Variants in PHACTR4 observed in about 807,000 individuals in gnomAD.
PHACTR4 encodes the protein phosphatase and actin regulator 4.
In PHACTR4, 51 loss-of-function variants were observed where a neutral mutation model predicts 72.7. The observed-to-expected ratio is 0.70, with a 90% CI of 0.56 to 0.89. The LOEUF is 0.89. Ranked by LOEUF, PHACTR4 falls within the 40% of genes least tolerant of loss-of-function variation. The pLI is 0.00. For missense variants in PHACTR4, 731 were observed against 861.8 expected (o/e 0.85, Z 1.90); for synonymous variants, 255 against 302.5 (o/e 0.84, Z 1.63).
At chr1:28,468,550 C>T (rs1005994062) in intron 6 of PHACTR4, among the ~76,000 whole-genome samples, 2 of 152,076 alleles carry the variant, frequency 1.3e-5, no homozygotes, top group African/African-American at 4.8e-5. Context: ...TGAGATTGTG[C>T]CACTGCATTG....
chr1:28,476,070 T>C, intron 7 of PHACTR4, 37 bp from the exon 8 acceptor site: 1 of 1,557,840 alleles, frequency 6.4e-7, no homozygotes, highest in Non-Finnish European at 8.7e-7. Flanking sequence ...ATCCTCTTCA[T>C]TTCTAAAAGG....
intron 2 of PHACTR4, 140 bp downstream of exon 2, chr1:28,407,603 C>A: frequency 1.8e-6 from 1 of 560,546 alleles, no homozygotes; most frequent in Non-Finnish European, 3.0e-6. Flanking sequence ...CTTTTTGCTT[C>A]TATAAGAATT....
chr1:28,492,319 A>G (rs1339649441), intron 12 of PHACTR4, among the ~76,000 whole-genome samples: 5 of 151,498 alleles, frequency 3.3e-5, no homozygotes, highest in Non-Finnish European at 7.4e-5. Flanking sequence ...CACCTGTAAT[A>G]CCAGCTACTT....
rs1656755359 is a variant in PHACTR4, at chr1:28,438,192, A to T, written c.17-20893A>T. The stretch of plus-strand genomic sequence containing the variant: ...GCCAGTGTGAAGACAGTTTTGTAAG[A>T]ACTGCAAGTGCTCAGGCTGTATGGG... On this transcript the variant is annotated intron_variant, in intron 2 of 13. Transcript: ENST00000373839. The T allele has an allele frequency of 5.5e-5, 72 of 1,316,930 alleles. No individual in the cohort carries two copies. In the South Asian group the frequency reaches 1.2e-3, roughly 23 times the overall value. The allele number at this position is 1,316,930 out of a possible 1,614,324, so 81.6% of individuals were successfully genotyped here.
At chr1:28,469,240 C>CA (rs538199202) in intron 6 of PHACTR4, among the ~76,000 whole-genome samples, 2 of 151,854 alleles carry the variant, frequency 1.3e-5, no homozygotes. Context: ...ATGACAACCT[C>CA]AAAAAAACAC....
At chr1:28,393,304 GA>G (rs1653204536) in intron 1 of PHACTR4, among the ~76,000 whole-genome samples, 1 of 152,208 alleles carries the variant, frequency 6.6e-6, no homozygotes, top group African/African-American at 2.4e-5. Context: ...ATACTTGGGA[GA>G]AGGGTTCATC....
At chr1:28,454,087 A>G (rs552907890) in intron 2 of PHACTR4, among the ~76,000 whole-genome samples, 24 of 152,066 alleles carry the variant, frequency 1.6e-4, no homozygotes, top group African/African-American at 5.5e-4. Flanking sequence ...AGCCAGGTGT[A>G]GTGGCACACG....
At chr1:28,402,270 GA>G (rs147818366) in intron 1 of PHACTR4, among the ~76,000 whole-genome samples, 2,108 of 152,198 alleles carry the variant, frequency 0.014, 17 homozygotes, top group South Asian at 0.024. Flanking sequence ...ACCTGGGGGG[GA>G]AAAAATTGGG....
intron 2 of PHACTR4, among the ~76,000 whole-genome samples, chr1:28,431,677 C>A (rs923702947): frequency 6.6e-6 from 1 of 152,158 alleles, no homozygotes; most frequent in Non-Finnish European, 1.5e-5. Context: ...AAGATAAAGT[C>A]TTCCACATCT....
Position 28,481,346 on chromosome 1 carries a change from A to T in PHACTR4, c.1760+742A>T, listed in dbSNP as rs890676075. The T allele has an allele frequency of 2.0e-5, 3 of 152,170 alleles. 1 individual carries two copies. Among genetic ancestry groups the T allele is most frequent in the African/African-American group, 4.8e-5 (2 of 41,454 alleles). The allele number at this position is 152,170 out of a possible 1,614,324, so 9.4% of individuals were successfully genotyped here. ...CACCCATCACTTTGAGTATAATTTT[A>T]AAAAATACATATTGGGTTTTGCATG... On this transcript the variant is annotated intron_variant, in intron 9 of 13. Coordinates refer to ENST00000373839, the MANE Select transcript of PHACTR4 (RefSeq NM_001048183.3).
chr1:28,446,027 A>G (rs1246574815), intron 2 of PHACTR4, among the ~76,000 whole-genome samples: 1 of 152,238 alleles, frequency 6.6e-6, no homozygotes, highest in Non-Finnish European at 1.5e-5. Flanking sequence ...TTAATTTAAA[A>G]TAAAGTACTT....
At chr1:28,445,967 A>G (rs1338528716) in intron 2 of PHACTR4, among the ~76,000 whole-genome samples, 1 of 152,176 alleles carries the variant, frequency 6.6e-6, no homozygotes, top group Admixed American at 6.5e-5. Context: ...CAGGATGAAT[A>G]AAATTTAACA....
At chr1:28,487,518 C>CAAAAAAA (rs796633179) in intron 9 of PHACTR4, among the ~76,000 whole-genome samples, 42 of 77,144 alleles carry the variant, frequency 5.4e-4, no homozygotes, top group Admixed American at 9.8e-4. Context: ...GACACACACA[C>CAAAAAAA]AAAAAAAAAA....
intron 6 of PHACTR4, chr1:28,467,058 A>T (rs2124486386): frequency 4.0e-6 from 1 of 252,368 alleles, no homozygotes; most frequent in East Asian, 9.3e-5. Context: ...CTAAAAATAC[A>T]AAAAATTAGC....
chr1:28,395,497 T>C (rs1350098142), intron 1 of PHACTR4, among the ~76,000 whole-genome samples: 1 of 152,196 alleles, frequency 6.6e-6, no homozygotes, highest in East Asian at 1.9e-4. Context: ...TTCTTAGTGG[T>C]AACAGAAGTA....
At chr1:28,408,070 A>T (rs775611755) in intron 2 of PHACTR4, among the ~76,000 whole-genome samples, 1 of 152,264 alleles carries the variant, frequency 6.6e-6, no homozygotes, top group African/African-American at 2.4e-5. Flanking sequence ...CAGTGAGCTG[A>T]GATCGCGCCA....
At chr1:28,486,473 A>G (rs1377496791) in intron 9 of PHACTR4, among the ~76,000 whole-genome samples, 1 of 152,230 alleles carries the variant, frequency 6.6e-6, no homozygotes, top group East Asian at 1.9e-4. Flanking sequence ...AAGTATGTAC[A>G]CAGTTGTACA....
intron 1 of PHACTR4, among the ~76,000 whole-genome samples, chr1:28,371,611 T>A (rs1290143094): frequency 6.6e-6 from 1 of 151,218 alleles, no homozygotes; most frequent in Non-Finnish European, 1.5e-5. Flanking sequence ...TATGTATTTA[T>A]TTTTTGAAAT....
chr1:28,386,766 A>G (rs1417545839), intron 1 of PHACTR4, among the ~76,000 whole-genome samples: 2 of 152,162 alleles, frequency 1.3e-5, no homozygotes, highest in Non-Finnish European at 2.9e-5. Context: ...TTGTGATACT[A>G]GTATCCACCT....
Sources: gnomAD v4.1 joint callset for allele counts (sites outside exome capture counted in the v4.1 genomes callset) on GRCh38, gnomAD v4.1.1 for gene constraint, MANE v1.5 for transcripts, NCBI Gene and HGNC (gene_info 2026-07-23, HGNC 2026-07-21) for gene names.